EVI5: variants seen among roughly 807,000 people sequenced by gnomAD.
EVI5 encodes the protein ecotropic viral integration site 5 protein homolog.
A neutral mutation model predicts 112.0 loss-of-function variants in EVI5; 73 were observed. That is an observed-to-expected ratio of 0.65 (90% CI 0.54 to 0.79). EVI5 has a LOEUF of 0.79. Ranked by LOEUF, EVI5 falls within the 30% of genes least tolerant of loss-of-function variation. The pLI is 0.00. For missense variants in EVI5, 900 were observed against 968.8 expected (o/e 0.93, Z 0.94); for synonymous variants, 305 against 319.9 (o/e 0.95, Z 0.50).
intron 10 of EVI5, among the ~76,000 whole-genome samples, chr1:92,675,668 C>A (rs1666613773): frequency 6.6e-6 from 1 of 151,826 alleles, no homozygotes; most frequent in African/African-American, 2.4e-5. Flanking sequence ...AAAAGAAAAG[C>A]AAATAGGGCT....
intron 19 of EVI5, among the ~76,000 whole-genome samples, chr1:92,543,416 G>C (rs1289726613): frequency 6.6e-6 from 1 of 152,184 alleles, no homozygotes. Context: ...CACTGGATTA[G>C]GCTTTGGCTT....
intron 9 of EVI5, among the ~76,000 whole-genome samples, chr1:92,691,926 G>T (rs1669563859): frequency 6.6e-6 from 1 of 152,144 alleles, no homozygotes; most frequent in African/African-American, 2.4e-5. Context: ...GAATGGTAAG[G>T]TTTGAAGTAA....
intron 19 of EVI5, among the ~76,000 whole-genome samples, chr1:92,546,308 A>C (rs1055928622): frequency 2.0e-5 from 3 of 152,220 alleles, no homozygotes; most frequent in Non-Finnish European, 2.9e-5. Flanking sequence ...CCCCTGACTG[A>C]AGTCCACTGT....
chr1:92,734,661 A>C (rs1157149786), intron 2 of EVI5, among the ~76,000 whole-genome samples: 1 of 150,552 alleles, frequency 6.6e-6, no homozygotes, highest in Non-Finnish European at 1.5e-5. Context: ...TAAACTTGGA[A>C]TGCTCAAAGA....
intron 10 of EVI5, among the ~76,000 whole-genome samples, chr1:92,676,705 C>T (rs974770999): frequency 2.6e-5 from 4 of 152,078 alleles, no homozygotes; most frequent in Non-Finnish European, 1.5e-5. Context: ...AAAAGTATAA[C>T]CCTTGCTTAG....
At chr1:92,712,560 A>G (rs1673008494) in intron 2 of EVI5, among the ~76,000 whole-genome samples, 1 of 152,210 alleles carries the variant, frequency 6.6e-6, no homozygotes, top group African/African-American at 2.4e-5. Context: ...TTGTTTAATT[A>G]ATTATACCAT....
At chr1:92,787,576 A>G (rs1570982608), upstream of EVI5, among the ~76,000 whole-genome samples, 1 of 152,244 alleles carries the variant, frequency 6.6e-6, no homozygotes, top group East Asian at 1.9e-4. Flanking sequence ...TACAAAAAAA[A>G]AATACAAAAA....
At chr1:92,746,479 A>C (rs1481760822) in intron 1 of EVI5, among the ~76,000 whole-genome samples, 1 of 152,146 alleles carries the variant, frequency 6.6e-6, no homozygotes, top group Non-Finnish European at 1.5e-5. Flanking sequence ...AAATCCCAGC[A>C]CTCTGGGAGG....
chr1:92,542,576 C>T (rs1471899939), intron 19 of EVI5, among the ~76,000 whole-genome samples: 1 of 152,174 alleles, frequency 6.6e-6, no homozygotes, highest in Non-Finnish European at 1.5e-5. Context: ...TGCCCAAATC[C>T]ATTAGAGGAA....
chr1:92,630,160 T>C (rs1328257872), intron 14 of EVI5, among the ~76,000 whole-genome samples: 1 of 152,232 alleles, frequency 6.6e-6, no homozygotes, highest in Non-Finnish European at 1.5e-5. Context: ...CAGCATGATT[T>C]ATAATCCTTT....
intron 16 of EVI5, among the ~76,000 whole-genome samples, chr1:92,615,468 T>C (rs958708864): frequency 3.9e-5 from 6 of 152,056 alleles, no homozygotes; most frequent in African/African-American, 9.7e-5. Flanking sequence ...AGGGCATTGA[T>C]TGGAAAAGAA....
chr1:92,751,656 T>TGTGAAAATGCTTTTTCTACTGTTACAC (rs568891934), intron 1 of EVI5, among the ~76,000 whole-genome samples: 1,623 of 152,258 alleles, frequency 0.011, 32 homozygotes, highest in African/African-American at 0.038. Context: ...ACACTGCATA[T>TGTGAAAATGCTTTTTCTACTGTTACAC]GTGAAAATGC....
intron 2 of EVI5, among the ~76,000 whole-genome samples, chr1:92,706,858 C>T (rs1672049093): frequency 1.3e-5 from 2 of 152,092 alleles, no homozygotes; most frequent in African/African-American, 4.8e-5. Context: ...CTAAATATAA[C>T]AAAACTATAA....
intron 14 of EVI5, among the ~76,000 whole-genome samples, chr1:92,630,316 C>G (rs1656723005): frequency 6.6e-6 from 1 of 152,172 alleles, no homozygotes; most frequent in African/African-American, 2.4e-5. Flanking sequence ...TCTCCACATC[C>G]TCTCCAGGAC....
At chr1:92,662,450 A>G (rs1338889308) in intron 13 of EVI5, among the ~76,000 whole-genome samples, 2 of 152,226 alleles carry the variant, frequency 1.3e-5, no homozygotes, top group African/African-American at 4.8e-5. Context: ...TACACTGCTT[A>G]TTTCCCATTA....
chr1:92,629,808 C>A (rs557552195), intron 14 of EVI5, among the ~76,000 whole-genome samples: 1 of 147,238 alleles, frequency 6.8e-6, no homozygotes, highest in African/African-American at 2.5e-5. Flanking sequence ...TAATGCTATC[C>A]CTCCACCCTC....
At chr1:92,532,043 T>A (rs1217719525) in intron 19 of EVI5, among the ~76,000 whole-genome samples, 1 of 152,044 alleles carries the variant, frequency 6.6e-6, no homozygotes, top group Non-Finnish European at 1.5e-5. Flanking sequence ...AGGAGACTCA[T>A]CTCATGTGCA....
At chr1:92,536,175 T>C (rs1326221758) in intron 19 of EVI5, among the ~76,000 whole-genome samples, 1 of 152,220 alleles carries the variant, frequency 6.6e-6, no homozygotes, top group Non-Finnish European at 1.5e-5. Flanking sequence ...TCTTTTTTTA[T>C]AACATCTAAA....
chr1:92,689,703 T>C (rs933830917), intron 9 of EVI5, among the ~76,000 whole-genome samples: 42 of 151,912 alleles, frequency 2.8e-4, no homozygotes, highest in African/African-American at 9.9e-4. Flanking sequence ...GGTTAGACTA[T>C]AGATTAGTGT....
Sources: gnomAD v4.1 joint callset for allele counts (sites outside exome capture counted in the v4.1 genomes callset) on GRCh38, gnomAD v4.1.1 for gene constraint, MANE v1.5 for transcripts, NCBI Gene and HGNC (gene_info 2026-07-23, HGNC 2026-07-21) for gene names.